TBC1D22A: variants seen among roughly 807,000 people sequenced by gnomAD.
The protein encoded by TBC1D22A is TBC1 domain family member 22A.
Under a neutral mutation model 60.2 loss-of-function variants are expected in TBC1D22A, and 38 were observed. That is an observed-to-expected ratio of 0.63 (90% confidence interval 0.49 to 0.83). The LOEUF (loss-of-function observed/expected upper bound fraction) is 0.83. Among genes scored for constraint, TBC1D22A ranks in the 40% least tolerant of loss-of-function variants. The pLI is 0.00. For missense variants in TBC1D22A, 628 were observed against 701.0 expected, an observed-to-expected ratio of 0.90 and a Z score of 1.18; for synonymous variants, 302 against 281.7, an observed-to-expected ratio of 1.07 and a Z score of -0.72.
rs748031093 is a variant in TBC1D22A at position 46,891,415 on chromosome 22, TC to T, written c.837+22del. The stretch of plus-strand genomic sequence containing the variant: ...GGCAGGTGGGAATCCTTTCTTTTTT[TC>T]GTATGTTGCCTGATGTACTTTGCTT... On this transcript the variant is annotated intron_variant, in intron 6 of 12. Transcript: ENST00000337137. The T allele has an allele frequency of 2.2e-4, 344 of 1,589,664 alleles. 2 individuals carry two copies. In the African/African-American group the frequency reaches 4.2e-3, roughly 19 times the overall value.
At chr22:47,060,749 G>T (rs994359714) in intron 11 of TBC1D22A, among the ~76,000 whole-genome samples, 1 of 152,162 alleles carries the variant, frequency 6.6e-6, no homozygotes, top group Non-Finnish European at 1.5e-5. Flanking sequence ...TTACATAGGA[G>T]GAAAATGCTG....
intron 4 of TBC1D22A, among the ~76,000 whole-genome samples, chr22:46,836,971 C>T (rs953132109): frequency 1.4e-5 from 2 of 145,624 alleles, no homozygotes; most frequent in Non-Finnish European, 3.0e-5. Flanking sequence ...CCAGCCTGGG[C>T]AACATAGGGA....
At chr22:47,084,478 G>A (rs546224613) in intron 11 of TBC1D22A, among the ~76,000 whole-genome samples, 7 of 152,162 alleles carry the variant, frequency 4.6e-5, no homozygotes, top group Non-Finnish European at 1.0e-4. Context: ...AGGAGGCGGG[G>A]CCCAGCAGGC....
chr22:47,018,880 T>A (rs935303711), intron 10 of TBC1D22A, among the ~76,000 whole-genome samples: 4 of 148,300 alleles, frequency 2.7e-5, no homozygotes, highest in African/African-American at 7.7e-5. Context: ...GAATTCAGTA[T>A]GTGGCATACT....
intron 10 of TBC1D22A, among the ~76,000 whole-genome samples, chr22:47,015,195 A>AT (rs1424794635): frequency 6.6e-6 from 1 of 152,220 alleles, no homozygotes. Flanking sequence ...CATGGTGCTG[A>AT]AGGTGGCCTA....
chr22:47,122,216 C>G (rs974747561), intron 12 of TBC1D22A, among the ~76,000 whole-genome samples: 1 of 152,192 alleles, frequency 6.6e-6, no homozygotes, highest in African/African-American at 2.4e-5. Context: ...GTGGACTCTG[C>G]AGGTCACCCC....
chr22:47,144,544 G>A (rs773004655), intron 12 of TBC1D22A, among the ~76,000 whole-genome samples: 5 of 152,236 alleles, frequency 3.3e-5, no homozygotes, highest in African/African-American at 9.6e-5. Context: ...TCTGCCTGGC[G>A]TGCACACAGT....
chr22:47,081,391 A>G (rs2064462302), intron 11 of TBC1D22A, among the ~76,000 whole-genome samples: 1 of 152,198 alleles, frequency 6.6e-6, no homozygotes, highest in South Asian at 2.1e-4. Context: ...CCTCATAATT[A>G]GTGGTGAAGT....
chr22:46,893,710 C>T (rs2068524115), intron 6 of TBC1D22A, among the ~76,000 whole-genome samples: 1 of 152,216 alleles, frequency 6.6e-6, no homozygotes. Context: ...CTGCATGGGG[C>T]CAGCTTCAGT....
intron 8 of TBC1D22A, among the ~76,000 whole-genome samples, chr22:46,950,644 G>T: frequency 6.6e-6 from 1 of 152,180 alleles, no homozygotes. Context: ...TCATCAGGAA[G>T]TTGCAAGGAA....
chr22:46,905,779 T>G (rs1483012352), intron 7 of TBC1D22A, among the ~76,000 whole-genome samples: 1 of 152,208 alleles, frequency 6.6e-6, no homozygotes, highest in Non-Finnish European at 1.5e-5. Context: ...TTCCTCAACC[T>G]GTGGGCGGGC....
chr22:47,165,216 T>G (rs2068154524), intron 12 of TBC1D22A, among the ~76,000 whole-genome samples: 1 of 151,834 alleles, frequency 6.6e-6, no homozygotes, highest in Admixed American at 6.6e-5. Flanking sequence ...GTGTCAGGGG[T>G]AGGGGAGTGA....
chr22:47,055,979 AGGGAGCAGGACTCCCCATCATT>A (rs1478610829), intron 11 of TBC1D22A, among the ~76,000 whole-genome samples: 1 of 146,274 alleles, frequency 6.8e-6, no homozygotes, highest in Non-Finnish European at 1.5e-5. Context: ...GGTGCCGTCC[AGGGAGCAGGACTCCCCATCATT>A]GGGACTGTTG....
At chr22:46,862,561 A>G (rs908308691) in intron 4 of TBC1D22A, among the ~76,000 whole-genome samples, 1 of 152,210 alleles carries the variant, frequency 6.6e-6, no homozygotes, top group Non-Finnish European at 1.5e-5. Flanking sequence ...GCTTCCACTC[A>G]CTGCTGTTCA....
At chr22:46,994,474 C>G (rs542691291) in intron 9 of TBC1D22A, among the ~76,000 whole-genome samples, 1 of 152,244 alleles carries the variant, frequency 6.6e-6, no homozygotes, top group African/African-American at 2.4e-5. Flanking sequence ...GCAGCAGCTG[C>G]GCTCCAAGCT....
At chr22:47,132,518 G>A (rs1159994935) in intron 12 of TBC1D22A, among the ~76,000 whole-genome samples, 2 of 151,904 alleles carry the variant, frequency 1.3e-5, no homozygotes, top group Admixed American at 6.5e-5. Context: ...GCACCGCCCC[G>A]CCCTGCTGTC....
At chr22:47,117,679 C>T (rs1164001361) in intron 12 of TBC1D22A, among the ~76,000 whole-genome samples, 1 of 152,224 alleles carries the variant, frequency 6.6e-6, no homozygotes, top group African/African-American at 2.4e-5. Flanking sequence ...AGCCCAGCGC[C>T]AGCTTCGTCG....
Position 46,793,521 on chromosome 22 carries a change from A to G in TBC1D22A, c.140A>G (p.Lys47Arg). ...LHGTLLRSTA[K>R]MPTTPVKAKR... ...TGCAGTTTGCTCAGGTCCACGGCCAAGATGCCGACCACACCAGTGAAGGCC... is the reference window on the plus strand; with the variant it reads ...TGCAGTTTGCTCAGGTCCACGGCCAGGATGCCGACCACACCAGTGAAGGCC... Residue 47 changes from lysine (K) to arginine (R), a missense_variant, in exon 3 of 13, where the codon AAG becomes AGG. Coordinates refer to ENST00000337137, the MANE Select transcript of TBC1D22A (RefSeq NM_014346.5). The G allele has an allele frequency of 6.2e-7, 1 of 1,614,206 alleles. No homozygotes were observed. Among genetic ancestry groups the G allele is most frequent in the South Asian group, 1.1e-5 (1 of 91,084 alleles).
At chr22:47,059,170 G>A (rs961799887) in intron 11 of TBC1D22A, among the ~76,000 whole-genome samples, 1 of 152,246 alleles carries the variant, frequency 6.6e-6, no homozygotes, top group Non-Finnish European at 1.5e-5. Context: ...CTGGTAAGTA[G>A]CAAAGCGCTG....
Sources: allele counts gnomAD v4.1 joint callset (sites outside exome capture counted in the v4.1 genomes callset), GRCh38; gene constraint gnomAD v4.1.1; transcripts MANE v1.5; gene names NCBI Gene and HGNC (gene_info 2026-07-23, HGNC 2026-07-21).